The following WDR47 variants were observed in gnomAD, a reference collection of about 807,000 sequenced individuals.
WDR47 encodes the protein WD repeat domain 47, also known as WD repeat-containing protein 47.
WDR47 carries 32 observed loss-of-function variants against 97.2 expected under a neutral mutation model. The observed-to-expected ratio is 0.33, with a 90% confidence interval of 0.25 to 0.44. WDR47 has a LOEUF of 0.44. WDR47 is among the 20% of genes least tolerant of loss of function. The pLI is 1.00. For missense variants in WDR47, 782 were observed against 1,102.3 expected, an observed-to-expected ratio of 0.71 and a Z score of 4.11; for synonymous variants, 375 against 373.5, an observed-to-expected ratio of 1.00 and a Z score of -0.05.
intron 5 of WDR47, among the ~76,000 whole-genome samples, chr1:109,006,136 T>A (rs1660593872): frequency 6.6e-6 from 1 of 152,162 alleles, no homozygotes; most frequent in South Asian, 2.1e-4. Context: ...GGCTCACATC[T>A]GTAATCCCAG....
chr1:109,011,160 A>C lies in WDR47; in HGVS notation c.886T>G (p.Ser296Ala), dbSNP rs746770459. The change falls in exon 5 of 15, where the codon TCA becomes GCA. Residue 296 changes from serine (S) to alanine (A), a missense_variant. Around this residue, in one of 3 missense-constraint regions of WDR47, gnomAD observed 428 missense variants for 584.3 expected, o/e 0.73. Coordinates refer to ENST00000369962, the MANE Select transcript of WDR47 (RefSeq NM_001142551.2). ...PLISKLSPYP[S>A]SPMRRPQSAD... ...GATTGAGGTCTTCTCATTGGGGATGATGGATAGGGAGAGAGTTTGCTGATA... is the reference window on the plus strand; with the variant it reads ...GATTGAGGTCTTCTCATTGGGGATGCTGGATAGGGAGAGAGTTTGCTGATA... 8.7e-6 allele frequency: 14 copies of C among 1,614,166 alleles called. No homozygotes were observed. In the South Asian group the frequency reaches 1.2e-4, roughly 14 times the overall value.
intron 12 of WDR47, 100 bp downstream of exon 12, chr1:108,982,509 A>G: frequency 7.1e-7 from 1 of 1,410,896 alleles, no homozygotes; most frequent in Non-Finnish European, 9.6e-7. Context: ...TCTGGACAGT[A>G]AGAGCAAGAC....
At chr1:109,014,552 C>T (rs1661281574) in intron 3 of WDR47, among the ~76,000 whole-genome samples, 1 of 152,020 alleles carries the variant, frequency 6.6e-6, no homozygotes, top group Non-Finnish European at 1.5e-5. Context: ...CCTGCCTCAG[C>T]CTCCCAAGCA....
At chr1:108,991,833 T>C (rs1659370664) in intron 8 of WDR47, among the ~76,000 whole-genome samples, 2 of 152,206 alleles carry the variant, frequency 1.3e-5, no homozygotes, top group South Asian at 4.1e-4. Flanking sequence ...TATTTAATAT[T>C]ATAAAATATA....
At chr1:108,998,242 T>C (rs1475143542) in intron 7 of WDR47, among the ~76,000 whole-genome samples, 1 of 152,114 alleles carries the variant, frequency 6.6e-6, no homozygotes, top group Non-Finnish European at 1.5e-5. Context: ...GTGGCTCATG[T>C]CCGTAATCCT....
chr1:109,027,179 T>C (rs534063517), intron 1 of WDR47, among the ~76,000 whole-genome samples: 6 of 151,374 alleles, frequency 4.0e-5, no homozygotes, highest in African/African-American at 1.5e-4. Flanking sequence ...CTCAGCCTCC[T>C]GGGTAGCTGG....
In WDR47 at chr1:108,974,705, G is replaced by A; in HGVS notation, c.2448C>T (p.Ala816=). ...VAVDPSGRLL[A]TGQEDSSCML... is the part of the protein sequence containing the mutation. ...TGCAGCTAGAATCTTCTTGACCTGT[G>A]GCTAAGAGACGACCACTGGGATCTA... Residue 816 remains alanine, a synonymous_variant, in exon 14 of 15, where the codon GCC becomes GCT. Coordinates refer to ENST00000369962, the MANE Select transcript of WDR47 (RefSeq NM_001142551.2). 1 of 1,613,864 alleles carries A rather than the reference G, an allele frequency of 6.2e-7. No homozygotes were observed. Among genetic ancestry groups the A allele is most frequent in the Non-Finnish European group, 8.5e-7 (1 of 1,179,928 alleles).
chr1:108,983,509 G>T, intron 10 of WDR47, 58 bp from the exon 11 acceptor site: 1 of 1,426,906 alleles, frequency 7.0e-7, no homozygotes, highest in South Asian at 1.6e-5. Flanking sequence ...AATCAGTTAT[G>T]AGGTTCCATA....
At chr1:108,986,844 T>C in intron 9 of WDR47, 164 bp from the exon 10 acceptor site, 1 of 606,218 alleles carries the variant, frequency 1.6e-6, no homozygotes, top group East Asian at 3.0e-5. Context: ...TCTTACTTTA[T>C]TAAATCTTAC....
At chr1:109,000,283 G>A (rs902667040) in intron 7 of WDR47, among the ~76,000 whole-genome samples, 1 of 151,814 alleles carries the variant, frequency 6.6e-6, no homozygotes, top group Admixed American at 6.6e-5. Flanking sequence ...GGCTGAGGCA[G>A]GGGGATCACC....
At chr1:108,986,063 A>C (rs1426861193) in intron 10 of WDR47, among the ~76,000 whole-genome samples, 1 of 152,082 alleles carries the variant, frequency 6.6e-6, no homozygotes, top group Non-Finnish European at 1.5e-5. Flanking sequence ...TAAGAGGTGT[A>C]AAAGAGTAAG....
chr1:108,985,067 T>C (rs1455453297), intron 10 of WDR47, among the ~76,000 whole-genome samples: 49 of 151,918 alleles, frequency 3.2e-4, no homozygotes, highest in Non-Finnish European at 1.5e-5. Context: ...ACAAACAGCT[T>C]CCTCCCTCTC....
intron 10 of WDR47, among the ~76,000 whole-genome samples, chr1:108,986,299 T>A (rs183473120): frequency 3.7e-3 from 561 of 152,274 alleles, no homozygotes; most frequent in Non-Finnish European, 6.0e-3. Context: ...ATGAGCAATG[T>A]TGTAATCAAA....
chr1:108,973,522 C>G (rs1264687119), intron 14 of WDR47, among the ~76,000 whole-genome samples: 3 of 152,038 alleles, frequency 2.0e-5, no homozygotes, highest in Non-Finnish European at 2.9e-5. Context: ...GATACTAAGA[C>G]CTAATTACAA....
rs189162086 is a variant in WDR47, at chr1:109,005,275, G to C, written c.1131-560C>G. Among the ~76,000 whole-genome samples the C allele has an allele frequency of 3.7e-4, 56 of 152,238 alleles. No homozygotes were observed. In the East Asian group the frequency reaches 0.01, roughly 27 times the overall value. On this transcript the variant is annotated intron_variant, in intron 5 of 14. Coordinates refer to ENST00000369962, the MANE Select transcript of WDR47 (RefSeq NM_001142551.2). Reference sequence around the variant, plus strand: ...AAATAAAATAAAAAATTATTTGGGTGTGGTGGGGCGCCTGTGGTCCCCAGC... The same window carrying C: ...AAATAAAATAAAAAATTATTTGGGTCTGGTGGGGCGCCTGTGGTCCCCAGC...
chr1:109,006,333 T>C (rs939462379), intron 5 of WDR47, among the ~76,000 whole-genome samples: 3 of 151,874 alleles, frequency 2.0e-5, no homozygotes, highest in African/African-American at 7.2e-5. Flanking sequence ...GCGGAGGTTG[T>C]GGTGAGCCGA....
At chr1:108,990,014 G>A (rs1339204979) in intron 9 of WDR47, among the ~76,000 whole-genome samples, 2 of 151,888 alleles carry the variant, frequency 1.3e-5, no homozygotes, top group Non-Finnish European at 2.9e-5. Flanking sequence ...TTTTAAATTT[G>A]TTGTCATTTA....
At chr1:109,033,358 T>G (rs186120746) in intron 1 of WDR47, among the ~76,000 whole-genome samples, 151 of 152,218 alleles carry the variant, frequency 9.9e-4, no homozygotes, top group African/African-American at 3.5e-3. Context: ...AAATAGCATC[T>G]TCAAATCAAT....
chr1:109,013,491 A>C (rs150770779), intron 4 of WDR47, among the ~76,000 whole-genome samples: 6,519 of 152,242 alleles, frequency 0.043, 193 homozygotes, highest in Non-Finnish European at 0.062. Context: ...TACAGAAAAG[A>C]CAGAGAAAAA....
Sources: allele counts gnomAD v4.1 joint callset (sites outside exome capture counted in the v4.1 genomes callset), GRCh38; gene constraint gnomAD v4.1.1; regional missense constraint gnomAD v4.1.1; transcripts MANE v1.5; gene names NCBI Gene and HGNC (gene_info 2026-07-23, HGNC 2026-07-21).